The following DLGAP1 variants were observed in gnomAD, a reference collection of about 807,000 sequenced individuals.
DLGAP1 encodes disks large-associated protein 1.
Under a neutral mutation model 90.8 loss-of-function variants are expected in DLGAP1, and 11 were observed. The observed-to-expected ratio is 0.12, with a 90% CI of 0.08 to 0.20. DLGAP1 has a LOEUF of 0.20. DLGAP1 is among the 10% of genes least tolerant of loss of function. The pLI is 1.00. For synonymous variants in DLGAP1, 558 were observed against 540.7 expected, an observed-to-expected ratio of 1.03 and a Z score of -0.44; for missense variants, 1,050 against 1,333.8, an observed-to-expected ratio of 0.79 and a Z score of 3.31.
intron 1 of DLGAP1, among the ~76,000 whole-genome samples, chr18:4,296,183 T>C (rs2079976692): frequency 6.6e-6 from 1 of 152,196 alleles, no homozygotes; most frequent in Non-Finnish European, 1.5e-5. Flanking sequence ...TGTTAGAACT[T>C]GCCTTATTAT....
At chr18:3,719,556 C>CAA (rs60129859) in intron 7 of DLGAP1, among the ~76,000 whole-genome samples, 579 of 57,828 alleles carry the variant, frequency 0.01, 13 homozygotes, top group African/African-American at 0.026. Context: ...GACTCTGTCT[C>CAA]AAAAAAAAAA....
chr18:3,538,468 AAG>A (rs1165792534), intron 9 of DLGAP1, among the ~76,000 whole-genome samples: 1 of 152,228 alleles, frequency 6.6e-6, no homozygotes, highest in Non-Finnish European at 1.5e-5. Flanking sequence ...CAATGAAAGA[AAG>A]AACAATTTTG....
chr18:3,846,008 T>C (rs1323963397), intron 4 of DLGAP1, among the ~76,000 whole-genome samples: 1 of 151,282 alleles, frequency 6.6e-6, no homozygotes, highest in Non-Finnish European at 1.5e-5. Flanking sequence ...TTGACTTCCA[T>C]AGAGAAACAT....
rs577306305 is a variant in DLGAP1 at position 4,269,983 on chromosome 18, T to C, written c.-266-118696A>G. Among the ~76,000 whole-genome samples the C allele has an allele frequency of 1.1e-3, 175 of 152,376 alleles. 1 individual carries two copies. The highest frequency in any genetic ancestry group is 3.9e-3 in the African/African-American group (163 of 41,600). ...TTGTTTCACTTTAGCATGCTAATGA[T>C]TGAAATAGAAATTTATGCTATTCAC... On this transcript the variant is annotated intron_variant, in intron 1 of 12. Transcript: ENST00000315677.
At chr18:4,211,073 G>A (rs1293630070) in intron 1 of DLGAP1, among the ~76,000 whole-genome samples, 3 of 152,178 alleles carry the variant, frequency 2.0e-5, no homozygotes, top group Non-Finnish European at 2.9e-5. Flanking sequence ...GAAGTTAAAG[G>A]TAGAAACTAG....
At chr18:4,300,377 C>T (rs181512858) in intron 1 of DLGAP1, among the ~76,000 whole-genome samples, 1 of 152,286 alleles carries the variant, frequency 6.6e-6, no homozygotes, top group East Asian at 1.9e-4. Flanking sequence ...AGTAATATCA[C>T]ATGCAAGACA....
chr18:3,912,369 G>T lies in DLGAP1; in HGVS notation c.-72-32229C>A, dbSNP rs559471999. On this transcript the variant is annotated intron_variant, in intron 3 of 12. Coordinates refer to ENST00000315677, the MANE Select transcript of DLGAP1 (RefSeq NM_004746.4). ...TTTTCTTTTAGGGTCTCACAATCTA[G>T]TCGGGGAGACTGACCTAATATGAGG... Among the ~76,000 whole-genome samples the T allele has an allele frequency of 3.9e-5, 6 of 152,100 alleles. No individual in the cohort carries two copies. In the South Asian group the frequency reaches 1.2e-3, roughly 32 times the overall value.
intron 3 of DLGAP1, among the ~76,000 whole-genome samples, chr18:3,992,532 G>T (rs899989479): frequency 5.9e-5 from 9 of 152,236 alleles, no homozygotes; most frequent in African/African-American, 2.2e-4. Context: ...ACAAAAATTA[G>T]CCAGGTGTGG....
chr18:3,901,610 G>C (rs2071785293), intron 3 of DLGAP1, among the ~76,000 whole-genome samples: 1 of 151,974 alleles, frequency 6.6e-6, no homozygotes, highest in African/African-American at 2.4e-5. Flanking sequence ...TCTGACACCT[G>C]ACCCACAGTC....
intron 1 of DLGAP1, among the ~76,000 whole-genome samples, chr18:4,381,443 C>G (rs755102318): frequency 5.9e-5 from 9 of 152,146 alleles, no homozygotes; most frequent in Non-Finnish European, 1.3e-4. Context: ...ACTCCAAAAT[C>G]TTCAAAAATA....
At chr18:3,537,506 C>T (rs1270390952) in intron 9 of DLGAP1, among the ~76,000 whole-genome samples, 1 of 152,190 alleles carries the variant, frequency 6.6e-6, no homozygotes, top group East Asian at 1.9e-4. Flanking sequence ...CTTACCCGTT[C>T]TTCCACTGAT....
At chr18:3,525,418 G>A (rs964064282) in intron 10 of DLGAP1, among the ~76,000 whole-genome samples, 2 of 151,694 alleles carry the variant, frequency 1.3e-5, no homozygotes, top group Admixed American at 6.6e-5. Flanking sequence ...ATTTATTTTC[G>A]ACATGGAGTT....
rs375585650 is a variant in DLGAP1, at chr18:3,960,079, A to C, written c.-73+45037T>G. ...TTATCTCCAGTATCTTTAACTTTCC[A>C]CTGGATTCTTTTTCTCTGCCTTGAA... On this transcript the variant is annotated intron_variant, in intron 3 of 12. Transcript: ENST00000315677. Among the ~76,000 whole-genome samples, 5 of 152,262 alleles carry C rather than the reference A, an allele frequency of 3.3e-5. 1 individual carries two copies. The East Asian group carries it at 9.7e-4, about 29-fold the overall frequency.
chr18:3,969,176 T>C (rs2073392503), intron 3 of DLGAP1, among the ~76,000 whole-genome samples: 1 of 152,216 alleles, frequency 6.6e-6, no homozygotes, highest in African/African-American at 2.4e-5. Flanking sequence ...AGTTCAACTT[T>C]CCAGGTCAAA....
At chr18:3,791,532 G>A (rs1244682464) in intron 5 of DLGAP1, among the ~76,000 whole-genome samples, 1 of 150,868 alleles carries the variant, frequency 6.6e-6, no homozygotes, top group Non-Finnish European at 1.5e-5. Flanking sequence ...GTGTGTGTGT[G>A]CACGCATGTG....
intron 2 of DLGAP1, among the ~76,000 whole-genome samples, chr18:4,116,025 G>T (rs2076058278): frequency 6.6e-6 from 1 of 151,998 alleles, no homozygotes; most frequent in Non-Finnish European, 1.5e-5. Context: ...TTATTCTCTG[G>T]TGTGGTTTGC....
chr18:3,970,055 T>C (rs2073413177), intron 3 of DLGAP1, among the ~76,000 whole-genome samples: 1 of 152,198 alleles, frequency 6.6e-6, no homozygotes, highest in Admixed American at 6.5e-5. Flanking sequence ...AATGTTTGTC[T>C]TTGTAGGTAA....
chr18:3,662,981 C>G (rs577342775), intron 7 of DLGAP1, among the ~76,000 whole-genome samples: 13 of 152,266 alleles, frequency 8.5e-5, no homozygotes, highest in Admixed American at 7.2e-4. Context: ...TGGTAAGAAC[C>G]TGAATCTCGG....
At chr18:4,170,633 T>C (rs1426399324) in intron 1 of DLGAP1, among the ~76,000 whole-genome samples, 1 of 152,062 alleles carries the variant, frequency 6.6e-6, no homozygotes, top group Admixed American at 6.6e-5. Flanking sequence ...GGACACTACA[T>C]AAGAGTTACC....
Sources: gnomAD v4.1 joint callset for allele counts (sites outside exome capture counted in the v4.1 genomes callset) on GRCh38, gnomAD v4.1.1 for gene constraint, MANE v1.5 for transcripts, NCBI Gene and HGNC (gene_info 2026-07-23, HGNC 2026-07-21) for gene names.